The following NFKB1 variants were observed in gnomAD, a reference collection of about 807,000 sequenced individuals.
The protein encoded by NFKB1 is nuclear factor NF-kappa-B p105 subunit.
NFKB1 carries 9 observed loss-of-function variants against 105.1 expected under a neutral mutation model. The observed-to-expected ratio is 0.09, with a 90% CI of 0.05 to 0.15. The LOEUF is 0.15. Among genes scored for constraint, NFKB1 ranks in the 10% least tolerant of loss-of-function variants. The pLI, the probability that NFKB1 is intolerant of heterozygous loss-of-function variation, is 1.00. For synonymous variants in NFKB1, 440 were observed against 442.2 expected (o/e 1.00, Z 0.06); for missense variants, 830 against 1,203.7 (o/e 0.69, Z 4.59).
chr4:102,599,188 C>T (rs1726917120), intron 15 of NFKB1, among the ~76,000 whole-genome samples: 2 of 152,078 alleles, frequency 1.3e-5, no homozygotes, highest in South Asian at 2.1e-4. Flanking sequence ...TGGAAATTTT[C>T]GAGCAGTTTT....
At chr4:102,552,240 C>T (rs1722675381) in intron 5 of NFKB1, among the ~76,000 whole-genome samples, 1 of 152,136 alleles carries the variant, frequency 6.6e-6, no homozygotes, top group African/African-American at 2.4e-5. Flanking sequence ...GGAGTAGTTA[C>T]TGAGCCTGAG....
intron 23 of NFKB1, among the ~76,000 whole-genome samples, chr4:102,615,671 GT>G (rs1336653092): frequency 3.3e-5 from 5 of 152,170 alleles, no homozygotes; most frequent in Admixed American, 3.3e-4. Context: ...ATATCGCATA[GT>G]TTGTAACCCA....
At position 102,597,560 on chromosome 4, in the gene NFKB1, G is replaced by C. The variant is rs548137186; in HGVS notation, c.1536G>C (p.Arg512Ser). The C allele has an allele frequency of 6.2e-7, 1 of 1,613,572 alleles. No individual in the cohort carries two copies. The highest frequency in any genetic ancestry group is 8.5e-7 in the Non-Finnish European group (1 of 1,179,752). ...AGAAGGCTATGCAGCTTGCAAAGAG[G>C]CATGCCAATGCCCTTTTCGACTACG... is the stretch of plus-strand genomic sequence containing the variant. ...FLEKAMQLAKRHANALFDYAV... is the reference protein window; with the variant it reads ...FLEKAMQLAKSHANALFDYAV... The change falls in exon 15 of 24, where the codon AGG becomes AGC. Residue 512 changes from arginine to serine, a missense_variant. Physicochemically the swap from Arg to Ser is moderately radical, Grantham distance 110. This residue lies in a region of NFKB1 where 418 missense variants were observed against 575.3 expected (regional missense o/e 0.73). Transcript: ENST00000226574.
intron 11 of NFKB1, among the ~76,000 whole-genome samples, chr4:102,587,645 C>G (rs1725822600): frequency 6.6e-6 from 1 of 152,100 alleles, no homozygotes; most frequent in African/African-American, 2.4e-5. Flanking sequence ...ATGCACCTAC[C>G]TTCCAGGCTG....
At chr4:102,527,124 A>T (rs1004896055) in intron 2 of NFKB1, among the ~76,000 whole-genome samples, 2 of 152,188 alleles carry the variant, frequency 1.3e-5, no homozygotes, top group Non-Finnish European at 2.9e-5. Flanking sequence ...ACATTGGCTT[A>T]GTGGGGAAAA....
intron 11 of NFKB1, 79 bp downstream of exon 11, chr4:102,584,899 T>C: frequency 7.3e-7 from 1 of 1,366,574 alleles, no homozygotes; most frequent in Non-Finnish European, 9.9e-7. Flanking sequence ...TGTTTTGTTT[T>C]GAGACAGAGT....
intron 5 of NFKB1, among the ~76,000 whole-genome samples, chr4:102,558,918 G>T (rs1158402565): frequency 6.6e-6 from 1 of 152,198 alleles, no homozygotes; most frequent in Non-Finnish European, 1.5e-5. Context: ...GAAAAATTAA[G>T]CAGAGAAAGG....
chr4:102,519,566 T>A (rs1017781854), intron 1 of NFKB1, among the ~76,000 whole-genome samples: 11 of 152,058 alleles, frequency 7.2e-5, no homozygotes, highest in African/African-American at 2.2e-4. Flanking sequence ...GGTGATTGCC[T>A]TGTGAATAAC....
chr4:102,588,261 A>G (rs577127027), intron 11 of NFKB1, among the ~76,000 whole-genome samples: 21 of 152,172 alleles, frequency 1.4e-4, no homozygotes, highest in Admixed American at 3.3e-4. Flanking sequence ...CAGGTAAGAC[A>G]TTATACATAA....
chr4:102,595,259 A>C (rs1449129251), intron 13 of NFKB1, among the ~76,000 whole-genome samples: 1 of 152,202 alleles, frequency 6.6e-6, no homozygotes, highest in East Asian at 1.9e-4. Flanking sequence ...TGACTATTCA[A>C]ATATTTTAAA....
intron 5 of NFKB1, among the ~76,000 whole-genome samples, chr4:102,551,368 GCGCGCGCGCA>G (rs1298405431): frequency 8.3e-6 from 1 of 120,548 alleles, no homozygotes; most frequent in Non-Finnish European, 1.7e-5. Flanking sequence ...GTGTGTGTGT[GCGCGCGCGCA>G]TGTGTGTGTG....
intron 5 of NFKB1, among the ~76,000 whole-genome samples, chr4:102,564,631 G>C (rs1723710999): frequency 6.6e-6 from 1 of 152,170 alleles, no homozygotes; most frequent in South Asian, 2.1e-4. Context: ...CCATGAAGTA[G>C]TAATATGAAA....
At chr4:102,597,302 T>G (rs1480151733) in intron 14 of NFKB1, among the ~76,000 whole-genome samples, 1 of 152,214 alleles carries the variant, frequency 6.6e-6, no homozygotes, top group Non-Finnish European at 1.5e-5. Context: ...ATACACAGAT[T>G]CTTTAAGATC....
chr4:102,597,792 A>T, intron 15 of NFKB1, 131 bp downstream of exon 15: 4 of 1,106,646 alleles, frequency 3.6e-6, no homozygotes, highest in Non-Finnish European at 5.0e-6. Context: ...TGATGAAGAA[A>T]AATAATGTGT....
intron 16 of NFKB1, among the ~76,000 whole-genome samples, chr4:102,605,782 A>G (rs1486073552): frequency 2.6e-5 from 4 of 152,178 alleles, no homozygotes; most frequent in African/African-American, 9.7e-5. Context: ...ATCTTATAAT[A>G]CCTTTTATGA....
chr4:102,615,339 CT>C (rs1347839525), intron 23 of NFKB1, among the ~76,000 whole-genome samples: 1 of 152,326 alleles, frequency 6.6e-6, no homozygotes, highest in African/African-American at 2.4e-5. Context: ...CTCTGCTCCC[CT>C]GGCTCACTAG....
At chr4:102,577,304 C>T (rs1406696364) in intron 7 of NFKB1, among the ~76,000 whole-genome samples, 2 of 152,180 alleles carry the variant, frequency 1.3e-5, no homozygotes, top group African/African-American at 4.8e-5. Context: ...CTCTTGCCAT[C>T]TCTGCTCTCT....
chr4:102,613,518 G>T lies in NFKB1; in HGVS notation c.2686G>T (p.Val896Leu). The change falls in exon 23 of 24, where the codon GTG (valine) becomes TTG (leucine). Residue 896 changes from valine (V) to leucine (L), a missense_variant. Around this residue, in one of 8 missense-constraint regions of NFKB1, gnomAD observed 418 missense variants for 575.3 expected, o/e 0.73. Coordinates refer to ENST00000226574, the MANE Select transcript of NFKB1 (RefSeq NM_003998.4). ...AGTGATCCAGGCAGCCTCCAGCCCAGTGAAGACCACCTCTCAGGCCCACTC... is the reference window on the plus strand; with the variant it reads ...AGTGATCCAGGCAGCCTCCAGCCCATTGAAGACCACCTCTCAGGCCCACTC... ...IEVIQAASSP[V>L]KTTSQAHSLP... 1 of 1,613,968 alleles carries T rather than the reference G, an allele frequency of 6.2e-7. No homozygotes were observed. Among genetic ancestry groups the T allele is most frequent in the Non-Finnish European group, 8.5e-7 (1 of 1,180,002 alleles).
Position 102,604,194 on chromosome 4 carries a change from G to A in NFKB1, c.1753-2302G>A, listed in dbSNP as rs918216553. On this transcript the variant is annotated intron_variant, in intron 16 of 23. Transcript: ENST00000226574. ...TTTCAAGTACTGGATACAAATGTAC[G>A]TATACTTGAAATACATAGATATTTT... Among the ~76,000 whole-genome samples, 64 of 152,096 alleles carry A rather than the reference G, an allele frequency of 4.2e-4. 1 individual carries two copies. The highest frequency in any genetic ancestry group is 3.7e-3 in the Admixed American group (56 of 15,268).
Sources: allele counts gnomAD v4.1 joint callset (sites outside exome capture counted in the v4.1 genomes callset), GRCh38; gene constraint gnomAD v4.1.1; regional missense constraint gnomAD v4.1.1; transcripts MANE v1.5; gene names NCBI Gene and HGNC (gene_info 2026-07-23, HGNC 2026-07-21).